SNX10: variants seen among roughly 807,000 people sequenced by gnomAD.
SNX10 encodes sorting nexin-10.
A neutral mutation model predicts 28.5 loss-of-function variants in SNX10; 25 were observed. The observed-to-expected ratio is 0.88, with a 90% CI of 0.64 to 1.22. The LOEUF is 1.22. Ranked by LOEUF, SNX10 falls within the 50% of genes most tolerant of loss-of-function variation. The pLI, the probability that SNX10 is intolerant of heterozygous loss-of-function variation, is 0.00. For synonymous variants in SNX10, 62 were observed against 81.4 expected, an observed-to-expected ratio of 0.76 and a Z score of 1.28; for missense variants, 223 against 242.6, an observed-to-expected ratio of 0.92 and a Z score of 0.54.
At chr7:26,368,872 A>G (rs2128027059) in intron 5 of SNX10, among the ~76,000 whole-genome samples, 1 of 152,150 alleles carries the variant, frequency 6.6e-6, no homozygotes, top group African/African-American at 2.4e-5. Flanking sequence ...TGTACTATGC[A>G]GTTATGTATA....
rs77363906 is a variant in SNX10, at chr7:26,337,139, G to C, written c.-23-9281G>C. ...TATTACAGAAATTTCTAATTTTAAAGAAAAAAATATGGTACTTGTTTTTAT... is the reference window on the plus strand; with the variant it reads ...TATTACAGAAATTTCTAATTTTAAACAAAAAAATATGGTACTTGTTTTTAT... On this transcript the variant is annotated intron_variant, in intron 1 of 6. Coordinates refer to ENST00000338523, the MANE Select transcript of SNX10 (RefSeq NM_013322.3). 8.0e-3 allele frequency among the ~76,000 whole-genome samples: 1,216 copies of C among 151,972 alleles called. 14 individuals are homozygous for C. Among genetic ancestry groups the C allele is most frequent in the African/African-American group, 0.017 (707 of 41,466 alleles).
intron 2 of SNX10, among the ~76,000 whole-genome samples, chr7:26,351,881 C>T (rs111263619): frequency 0.013 from 1,983 of 151,876 alleles, 42 homozygotes; most frequent in African/African-American, 0.046. Context: ...TGGTCTAGAT[C>T]TCCTGACCTC....
rs576554340 is a variant in SNX10, at chr7:26,352,038, A to AT, written c.24+5573dup. On this transcript the variant is annotated intron_variant, in intron 2 of 6. Coordinates refer to ENST00000338523, the MANE Select transcript of SNX10 (RefSeq NM_013322.3). ...GAATTGTTACAAAGGCAGCATGCTA[A>AT]TATAAAATGTTAATAATAGGGGAAG... is the stretch of plus-strand genomic sequence containing the variant. 1.1e-3 allele frequency among the ~76,000 whole-genome samples: 162 copies of AT among 152,272 alleles called. 2 individuals carry two copies. In the Middle Eastern group the frequency reaches 0.031, roughly 29 times the overall value.
chr7:26,359,668 A>ATTT (rs537061600), intron 2 of SNX10, among the ~76,000 whole-genome samples: 5 of 147,078 alleles, frequency 3.4e-5, no homozygotes, highest in African/African-American at 1.2e-4. Flanking sequence ...TATTGTTTTA[A>ATTT]TTTTTTTTTT....
At chr7:26,316,732 C>T (rs1787106218) in intron 1 of SNX10, among the ~76,000 whole-genome samples, 1 of 152,140 alleles carries the variant, frequency 6.6e-6, no homozygotes, top group Admixed American at 6.5e-5. Context: ...GGACCAGGGT[C>T]ACTTAGCAGG....
intron 1 of SNX10, among the ~76,000 whole-genome samples, chr7:26,334,567 T>A (rs886412775): frequency 6.6e-6 from 1 of 152,074 alleles, no homozygotes; most frequent in Non-Finnish European, 1.5e-5. Flanking sequence ...AATTCTGTAA[T>A]TTTTTTTGTT....
intron 1 of SNX10, among the ~76,000 whole-genome samples, chr7:26,333,279 A>T (rs1192447215): frequency 2.8e-5 from 4 of 144,232 alleles, no homozygotes; most frequent in African/African-American, 5.2e-5. Flanking sequence ...CAGAGTATAC[A>T]TTTTGTACTT....
chr7:26,334,020 A>G (rs1055586301), intron 1 of SNX10, among the ~76,000 whole-genome samples: 7 of 152,200 alleles, frequency 4.6e-5, no homozygotes, highest in Non-Finnish European at 7.3e-5. Context: ...CCACTCCCCC[A>G]GCTTCTGAGA....
At chr7:26,316,334 A>G (rs886174985) in intron 1 of SNX10, among the ~76,000 whole-genome samples, 2 of 152,180 alleles carry the variant, frequency 1.3e-5, no homozygotes, top group Non-Finnish European at 2.9e-5. Context: ...AGGATTTTCC[A>G]GAAACCCAAG....
chr7:26,365,733 A>G (rs2698716), intron 5 of SNX10, among the ~76,000 whole-genome samples: 71,489 of 151,860 alleles, frequency 0.47, 17,175 homozygotes, highest in Middle Eastern at 0.61. Context: ...TCCCTCCCCC[A>G]ATCCACTCTC....
At chr7:26,352,913 T>C (rs1788663427) in intron 2 of SNX10, among the ~76,000 whole-genome samples, 1 of 152,234 alleles carries the variant, frequency 6.6e-6, no homozygotes, top group Non-Finnish European at 1.5e-5. Context: ...TTTTGCCTTA[T>C]GGAGGTTTTC....
intron 1 of SNX10, among the ~76,000 whole-genome samples, chr7:26,319,371 C>T (rs1331224775): frequency 6.6e-6 from 1 of 152,158 alleles, no homozygotes; most frequent in Non-Finnish European, 1.5e-5. Flanking sequence ...TCTTCAGTTT[C>T]TATGTTAACT....
chr7:26,318,380 A>G (rs1426799689), intron 1 of SNX10, among the ~76,000 whole-genome samples: 1 of 152,306 alleles, frequency 6.6e-6, no homozygotes, highest in Middle Eastern at 3.4e-3. Context: ...TTTTATTGGA[A>G]TAATATCGTT....
chr7:26,354,737 T>C (rs1788749541), intron 2 of SNX10, among the ~76,000 whole-genome samples: 2 of 152,190 alleles, frequency 1.3e-5, no homozygotes, highest in South Asian at 2.1e-4. Context: ...ATGGGATGTG[T>C]AGTTTGCAAA....
At position 26,292,689 on chromosome 7, in the gene SNX10, C is replaced by G. The variant is rs569112385; in HGVS notation, c.-24+603C>G. 2.6e-5 allele frequency among the ~76,000 whole-genome samples: 4 copies of G among 152,210 alleles called. No homozygotes were observed. The East Asian group carries it at 5.8e-4, about 22-fold the overall frequency. On this transcript the variant is annotated intron_variant, in intron 1 of 6. Transcript: ENST00000338523. ...CACGGATTATTGAGGGGGATCGTCA[C>G]GGAATGGGGAGCAACATGTCCTGCT...
chr7:26,328,992 C>G (rs1787617706), intron 1 of SNX10, among the ~76,000 whole-genome samples: 1 of 152,242 alleles, frequency 6.6e-6, no homozygotes, highest in Admixed American at 6.5e-5. Flanking sequence ...CCACCATCAC[C>G]TCTGGCCTGC....
At chr7:26,361,942 C>A (rs1789089570) in intron 3 of SNX10, among the ~76,000 whole-genome samples, 1 of 152,190 alleles carries the variant, frequency 6.6e-6, no homozygotes, top group African/African-American at 2.4e-5. Flanking sequence ...GGGAGCATAG[C>A]AATTGACCCA....
chr7:26,334,091 C>A (rs994795973), intron 1 of SNX10, among the ~76,000 whole-genome samples: 2 of 152,124 alleles, frequency 1.3e-5, no homozygotes, highest in Non-Finnish European at 1.5e-5. Flanking sequence ...ATTAAAAGAA[C>A]CTTGGTAGCA....
rs145731885 is a variant in SNX10 at position 26,333,620 on chromosome 7, G to A, written c.-23-12800G>A. 4.5e-3 allele frequency among the ~76,000 whole-genome samples: 692 copies of A among 152,242 alleles called. 2 individuals are homozygous for A. The highest frequency in any genetic ancestry group is 0.011 in the Admixed American group (162 of 15,290). On this transcript the variant is annotated intron_variant, in intron 1 of 6. Coordinates refer to ENST00000338523, the MANE Select transcript of SNX10 (RefSeq NM_013322.3). ...ATTACAGGCGTGAGCCACCGCACCC[G>A]ACTATTTTATTCTTTTGATGCTATA...
Sources: gnomAD v4.1 joint callset for allele counts (sites outside exome capture counted in the v4.1 genomes callset) on GRCh38, gnomAD v4.1.1 for gene constraint, MANE v1.5 for transcripts, NCBI Gene and HGNC (gene_info 2026-07-23, HGNC 2026-07-21) for gene names.